MAPKAP1: variants seen among roughly 807,000 people sequenced by gnomAD.
MAPKAP1 encodes target of rapamycin complex 2 subunit MAPKAP1.
Under a neutral mutation model 65.7 loss-of-function variants are expected in MAPKAP1, and 20 were observed. That is an observed-to-expected ratio of 0.30 (90% confidence interval 0.21 to 0.44). The LOEUF (loss-of-function observed/expected upper bound fraction) is 0.44. Ranked by LOEUF, MAPKAP1 falls within the 20% of genes least tolerant of loss-of-function variation. The pLI is 1.00. For missense variants in MAPKAP1, 423 were observed against 648.0 expected, an observed-to-expected ratio of 0.65 and a Z score of 3.77; for synonymous variants, 222 against 244.3, an observed-to-expected ratio of 0.91 and a Z score of 0.85.
chr9:125,496,526 T>A (rs544513870), intron 8 of MAPKAP1, among the ~76,000 whole-genome samples: 1 of 152,168 alleles, frequency 6.6e-6, no homozygotes, highest in East Asian at 1.9e-4. Flanking sequence ...AGTCACATGA[T>A]AGAAATTGGG....
At chr9:125,633,359 C>T (rs1216120844) in intron 4 of MAPKAP1, among the ~76,000 whole-genome samples, 1 of 152,216 alleles carries the variant, frequency 6.6e-6, no homozygotes, top group Non-Finnish European at 1.5e-5. Context: ...AAAGCAAGTT[C>T]TTCCTGCTGG....
chr9:125,451,656 G>A (rs904069955), intron 10 of MAPKAP1, among the ~76,000 whole-genome samples: 6 of 152,034 alleles, frequency 3.9e-5, no homozygotes, highest in African/African-American at 1.4e-4. Flanking sequence ...CCAAGTACTG[G>A]GCATTTGGTC....
At chr9:125,648,199 C>T (rs1237201277) in intron 4 of MAPKAP1, among the ~76,000 whole-genome samples, 2 of 152,216 alleles carry the variant, frequency 1.3e-5, no homozygotes, top group African/African-American at 4.8e-5. Context: ...AGCTCTGCCA[C>T]ACACTAGTGG....
At chr9:125,465,017 C>A (rs1025141868) in intron 10 of MAPKAP1, among the ~76,000 whole-genome samples, 10 of 152,246 alleles carry the variant, frequency 6.6e-5, no homozygotes, top group Non-Finnish European at 1.3e-4. Flanking sequence ...ATCCTCCCTA[C>A]ACTTAATGTC....
At chr9:125,647,530 T>C (rs1833763083) in intron 4 of MAPKAP1, among the ~76,000 whole-genome samples, 1 of 152,220 alleles carries the variant, frequency 6.6e-6, no homozygotes, top group East Asian at 1.9e-4. Flanking sequence ...ATAGTGCCCA[T>C]CACATTTGCT....
intron 7 of MAPKAP1, 53 bp from the exon 8 acceptor site, chr9:125,506,470 A>T (rs1829146433): frequency 7.0e-7 from 1 of 1,438,508 alleles, no homozygotes; most frequent in African/African-American, 1.4e-5. Flanking sequence ...CAGCGAATTT[A>T]ACATTTAAAA....
intron 1 of MAPKAP1, among the ~76,000 whole-genome samples, chr9:125,693,346 A>G (rs1415454566): frequency 3.3e-5 from 5 of 151,592 alleles, no homozygotes; most frequent in African/African-American, 1.2e-4. Flanking sequence ...CCCAAGAGGC[A>G]GAGGTTGCAG....
intron 7 of MAPKAP1, among the ~76,000 whole-genome samples, chr9:125,526,916 G>A (rs1418199901): frequency 6.6e-6 from 1 of 151,816 alleles, no homozygotes; most frequent in Non-Finnish European, 1.5e-5. Context: ...TGGGACTACA[G>A]GCGTGTGCCA....
intron 1 of MAPKAP1, among the ~76,000 whole-genome samples, chr9:125,673,095 G>A (rs1418952424): frequency 6.6e-6 from 1 of 152,188 alleles, no homozygotes; most frequent in African/African-American, 2.4e-5. Context: ...TCATATGATT[G>A]TGAAGTGTTT....
intron 1 of MAPKAP1, among the ~76,000 whole-genome samples, chr9:125,677,109 C>T (rs1834668971): frequency 6.6e-6 from 1 of 152,106 alleles, no homozygotes; most frequent in Non-Finnish European, 1.5e-5. Context: ...GAATGCCTTC[C>T]CTGGATGTTA....
chr9:125,490,753 G>A (rs1011744959), intron 8 of MAPKAP1, among the ~76,000 whole-genome samples: 12 of 152,222 alleles, frequency 7.9e-5, no homozygotes, highest in African/African-American at 2.9e-4. Context: ...ACTGAATGCA[G>A]AGGCAGATAT....
intron 3 of MAPKAP1, among the ~76,000 whole-genome samples, chr9:125,663,790 A>G (rs1834257691): frequency 6.6e-6 from 1 of 152,152 alleles, no homozygotes; most frequent in Admixed American, 6.5e-5. Flanking sequence ...CATCAGGCAG[A>G]CTATACTTCT....
chr9:125,664,215 C>T (rs1184592974), intron 3 of MAPKAP1, among the ~76,000 whole-genome samples: 3 of 151,220 alleles, frequency 2.0e-5, no homozygotes, highest in Non-Finnish European at 4.4e-5. Flanking sequence ...GGCATGGTGG[C>T]GGGCACCTGT....
rs140679515 is a variant in MAPKAP1, at chr9:125,534,623, C to T, written c.958+8436G>A. On this transcript the variant is annotated intron_variant, in intron 7 of 11. Transcript: ENST00000265960. ...GCTTCATGTTCTTTGGCCTCTAATTCATTTGTACAATGCAGATGAGTGTTT... is the reference window on the plus strand; with the variant it reads ...GCTTCATGTTCTTTGGCCTCTAATTTATTTGTACAATGCAGATGAGTGTTT... Among the ~76,000 whole-genome samples the T allele has an allele frequency of 3.3e-3, 505 of 152,324 alleles. 3 individuals carry two copies. The highest frequency in any genetic ancestry group is 0.012 in the African/African-American group (494 of 41,552).
intron 1 of MAPKAP1, among the ~76,000 whole-genome samples, chr9:125,695,528 G>A (rs1388964468): frequency 1.3e-5 from 2 of 152,158 alleles, no homozygotes; most frequent in Admixed American, 6.6e-5. Flanking sequence ...TTGGACAGAA[G>A]TAGTTTACAA....
chr9:125,456,627 T>G (rs1156867381), intron 10 of MAPKAP1, among the ~76,000 whole-genome samples: 1 of 152,232 alleles, frequency 6.6e-6, no homozygotes, highest in African/African-American at 2.4e-5. Context: ...TTGCTAGCAC[T>G]CTCTCACTCT....
intron 8 of MAPKAP1, among the ~76,000 whole-genome samples, chr9:125,490,280 C>T (rs533236300): frequency 6.6e-6 from 1 of 152,374 alleles, no homozygotes; most frequent in African/African-American, 2.4e-5. Flanking sequence ...TAGCTCACAC[C>T]TGTAATCCCA....
chr9:125,584,971 A>C (rs1350004078), intron 5 of MAPKAP1, among the ~76,000 whole-genome samples: 1 of 152,244 alleles, frequency 6.6e-6, no homozygotes, highest in Non-Finnish European at 1.5e-5. Flanking sequence ...AGAGAAAATT[A>C]GAACCATTAA....
Position 125,699,193 on chromosome 9 carries a change from A to G in MAPKAP1, c.-70+7778T>C, listed in dbSNP as rs114512939. ...TATACACTTTACACACATAGCCTGAAGGTAATTTTATACTAACTTTTTTTT... is the reference window on the plus strand; with the variant it reads ...TATACACTTTACACACATAGCCTGAGGGTAATTTTATACTAACTTTTTTTT... On this transcript the variant is annotated intron_variant, in intron 1 of 11. Coordinates refer to ENST00000265960, the MANE Select transcript of MAPKAP1 (RefSeq NM_001006617.3). 6.1e-3 allele frequency among the ~76,000 whole-genome samples: 934 copies of G among 152,214 alleles called. 12 individuals are homozygous for G. The highest frequency in any genetic ancestry group is 0.021 in the African/African-American group (868 of 41,534).
Sources: allele counts gnomAD v4.1 joint callset (sites outside exome capture counted in the v4.1 genomes callset), GRCh38; gene constraint gnomAD v4.1.1; transcripts MANE v1.5; gene names NCBI Gene and HGNC (gene_info 2026-07-23, HGNC 2026-07-21).